Variants in NRG2 observed in about 807,000 individuals in gnomAD.
NRG2 encodes the protein neuregulin 2, also known as pro-neuregulin-2, membrane-bound isoform.
NRG2 carries 27 observed loss-of-function variants against 73.9 expected under a neutral mutation model. The observed-to-expected ratio is 0.37, with a 90% CI of 0.27 to 0.50. NRG2 has a LOEUF of 0.50. Ranked by LOEUF, NRG2 falls within the 20% of genes least tolerant of loss-of-function variation. The pLI is 0.96. For missense variants in NRG2, 1,126 were observed against 1,210.1 expected (o/e 0.93, Z 1.03); for synonymous variants, 532 against 541.0 (o/e 0.98, Z 0.23).
At chr5:140,002,225 AG>A (rs749556785) in intron 1 of NRG2, among the ~76,000 whole-genome samples, 3 of 152,228 alleles carry the variant, frequency 2.0e-5, no homozygotes, top group Non-Finnish European at 2.9e-5. Context: ...GAGCTGTGAC[AG>A]GGGAAAAAAA....
At chr5:139,939,260 CTTT>C (rs59868638) in intron 1 of NRG2, among the ~76,000 whole-genome samples, 1 of 136,728 alleles carries the variant, frequency 7.3e-6, no homozygotes, top group African/African-American at 2.7e-5. Context: ...TTCTTTCTTT[CTTT>C]TTCTTTCTTT....
At chr5:140,017,714 A>G (rs1759905333) in intron 1 of NRG2, among the ~76,000 whole-genome samples, 1 of 152,238 alleles carries the variant, frequency 6.6e-6, no homozygotes, top group Non-Finnish European at 1.5e-5. Context: ...AGGTCATGAT[A>G]TAGAGACAAG....
intron 1 of NRG2, among the ~76,000 whole-genome samples, chr5:139,893,066 G>A (rs1764321355): frequency 6.6e-6 from 1 of 152,168 alleles, no homozygotes; most frequent in African/African-American, 2.4e-5. Context: ...TAAGGAAAAA[G>A]AAAAACACAT....
At chr5:139,946,038 C>T (rs1753776077) in intron 1 of NRG2, among the ~76,000 whole-genome samples, 1 of 151,988 alleles carries the variant, frequency 6.6e-6, no homozygotes, top group African/African-American at 2.4e-5. Flanking sequence ...TGGCAATATT[C>T]CCCAGATCGA....
intron 1 of NRG2, among the ~76,000 whole-genome samples, chr5:140,018,837 G>A (rs145029305): frequency 2.0e-5 from 3 of 152,000 alleles, no homozygotes; most frequent in Admixed American, 6.5e-5. Flanking sequence ...CTCCTTTCTC[G>A]GACCACAGAG....
chr5:140,017,078 C>T (rs1318625730), intron 1 of NRG2, among the ~76,000 whole-genome samples: 3 of 152,130 alleles, frequency 2.0e-5, no homozygotes, highest in Non-Finnish European at 4.4e-5. Context: ...TATAAAAAGA[C>T]CAGCTATGAA....
intron 1 of NRG2, among the ~76,000 whole-genome samples, chr5:139,973,744 G>C (rs1041816770): frequency 6.6e-6 from 1 of 152,188 alleles, no homozygotes; most frequent in African/African-American, 2.4e-5. Flanking sequence ...AAAAGTTCAA[G>C]ATAAAGATTC....
intron 1 of NRG2, among the ~76,000 whole-genome samples, chr5:139,955,319 G>C (rs1335939828): frequency 6.6e-6 from 1 of 152,158 alleles, no homozygotes; most frequent in Non-Finnish European, 1.5e-5. Flanking sequence ...AGTGGAGGGA[G>C]GGAGAGGTGT....
rs1301196343 is a variant in NRG2, at chr5:139,868,878, G to T, written c.1112+2843C>A. Among the ~76,000 whole-genome samples the T allele has an allele frequency of 6.6e-6, 1 of 152,008 alleles. No individual in the cohort carries two copies. Among genetic ancestry groups the T allele is most frequent in the Non-Finnish European group, 1.5e-5 (1 of 67,968 alleles). ...ATGGGTGGGGTAGGGGCAGAGGGATGAGGGGGATGAGCTGATGGGAAGGGG... is the reference window on the plus strand; with the variant it reads ...ATGGGTGGGGTAGGGGCAGAGGGATTAGGGGGATGAGCTGATGGGAAGGGG... On this transcript the variant is annotated intron_variant, in intron 4 of 9. Coordinates refer to ENST00000361474, the MANE Select transcript of NRG2 (RefSeq NM_004883.3). The surrounding 1 kb of genome is among the most constrained non-coding windows in gnomAD (Gnocchi z 4.2).
chr5:139,880,953 G>A lies in NRG2; in HGVS notation c.894C>T (p.Phe298=), dbSNP rs1303244070. The A allele has an allele frequency of 9.9e-6, 16 of 1,614,136 alleles. No homozygotes were observed. The highest frequency in any genetic ancestry group is 1.4e-5 in the Non-Finnish European group (16 of 1,179,978). ...GNGRKNSRLQ[F]NKVKVEDAGE... ...CAGCGTCCTCCACCTTCACCTTGTT[G>A]AACTGTAGTCGTGAGTTCTTTCTGG... The change falls in exon 3 of 10, where the codon TTC becomes TTT. Residue 298 remains phenylalanine, a synonymous_variant. Transcript: ENST00000361474.
intron 1 of NRG2, among the ~76,000 whole-genome samples, chr5:139,948,231 G>A (rs1753939945): frequency 6.6e-6 from 1 of 152,140 alleles, no homozygotes; most frequent in Non-Finnish European, 1.5e-5. Flanking sequence ...TACCAAAAGA[G>A]GCAGAAGGCT....
intron 1 of NRG2, among the ~76,000 whole-genome samples, chr5:139,969,967 G>A (rs1440827291): frequency 6.6e-6 from 1 of 152,204 alleles, no homozygotes; most frequent in African/African-American, 2.4e-5. Context: ...ATTTTACTAT[G>A]TGCCAGGCAT....
At chr5:139,947,669 T>C (rs944490995) in intron 1 of NRG2, among the ~76,000 whole-genome samples, 12 of 152,182 alleles carry the variant, frequency 7.9e-5, no homozygotes, top group Admixed American at 6.5e-5. Context: ...TTCCTATTAG[T>C]AGTGTATGAG....
rs1010958804 is a variant in NRG2 at position 139,869,879 on chromosome 5, C to T, written c.1112+1842G>A. Reference sequence around the variant, plus strand: ...TATCTCACCACTCCCTTGCCCACACCGAACTCTAGCACTGGAGCCCTGGCC... The same window carrying T: ...TATCTCACCACTCCCTTGCCCACACTGAACTCTAGCACTGGAGCCCTGGCC... On this transcript the variant is annotated intron_variant, in intron 4 of 9. Coordinates refer to ENST00000361474, the MANE Select transcript of NRG2 (RefSeq NM_004883.3). The surrounding 1 kb of genome is among the most constrained non-coding windows in gnomAD (Gnocchi z 4.5). Among the ~76,000 whole-genome samples the T allele has an allele frequency of 2.0e-5, 3 of 152,298 alleles. No homozygotes were observed. The highest frequency in any genetic ancestry group is 2.9e-5 in the Non-Finnish European group (2 of 68,020).
At chr5:139,961,900 G>A (rs1284440712) in intron 1 of NRG2, among the ~76,000 whole-genome samples, 1 of 152,190 alleles carries the variant, frequency 6.6e-6, no homozygotes, top group Non-Finnish European at 1.5e-5. Flanking sequence ...AACTCATCCA[G>A]CCTCAATCCC....
intron 5 of NRG2, among the ~76,000 whole-genome samples, chr5:139,858,171 C>T (rs1320561643): frequency 6.6e-6 from 1 of 152,218 alleles, no homozygotes; most frequent in South Asian, 2.1e-4. Context: ...TTGGTCCCAG[C>T]CTTCCTTTTG....
intron 1 of NRG2, among the ~76,000 whole-genome samples, chr5:139,922,673 A>C (rs1379050165): frequency 6.6e-6 from 1 of 152,248 alleles, no homozygotes; most frequent in African/African-American, 2.4e-5. Context: ...AGCTTCATAC[A>C]TCATTGCCCA....
chr5:140,025,327 C>T (rs1384558115), intron 1 of NRG2, among the ~76,000 whole-genome samples: 1 of 152,178 alleles, frequency 6.6e-6, no homozygotes, highest in Non-Finnish European at 1.5e-5. Context: ...GGATAAATCA[C>T]TTATGATAAA....
intron 1 of NRG2, among the ~76,000 whole-genome samples, chr5:139,996,714 G>A (rs779813970): frequency 1.3e-5 from 2 of 152,110 alleles, no homozygotes; most frequent in African/African-American, 2.4e-5. Flanking sequence ...CACATATGCC[G>A]CTTGTCTCTC....
Sources: allele counts gnomAD v4.1 joint callset (sites outside exome capture counted in the v4.1 genomes callset), GRCh38; gene constraint gnomAD v4.1.1; non-coding constraint Gnocchi (gnomAD v3.1); transcripts MANE v1.5; gene names NCBI Gene and HGNC (gene_info 2026-07-23, HGNC 2026-07-21).